C10orf105: variants seen among roughly 807,000 people sequenced by gnomAD.
C10orf105 encodes the protein chromosome 10 open reading frame 105, also known as uncharacterized protein C10orf105.
A neutral mutation model predicts 0.6 loss-of-function variants in C10orf105; 2 were observed. That is an observed-to-expected ratio of 3.18 (90% CI 1.30 to 10.01). The LOEUF (loss-of-function observed/expected upper bound fraction) is 10.01. Ranked by LOEUF, C10orf105 falls within the 30% of genes most tolerant of loss-of-function variation. C10orf105 has a pLI of 0.04. For missense variants in C10orf105, 209 were observed against 191.4 expected, an observed-to-expected ratio of 1.09 and a Z score of -0.54; for synonymous variants, 95 against 82.4, an observed-to-expected ratio of 1.15 and a Z score of -0.83.
In C10orf105 at chr10:71,713,415, G is replaced by T; in HGVS notation, c.*2521C>A. ...TGAATGAGTCTCTTTACCAACTATGGGGTTTCCGACTCGGAGGCTGAGCCA... is the reference window on the plus strand; with the variant it reads ...TGAATGAGTCTCTTTACCAACTATGTGGTTTCCGACTCGGAGGCTGAGCCA... On this transcript the variant is annotated 3_prime_UTR_variant, in exon 2 of 2. Coordinates refer to ENST00000441508, the MANE Select transcript of C10orf105 (RefSeq NM_001164375.3). The T allele has an allele frequency of 1.6e-6, 1 of 631,452 alleles. No homozygotes were observed. The highest frequency in any genetic ancestry group is 2.8e-6 in the Non-Finnish European group (1 of 352,398). 39.1% of individuals were successfully genotyped at this position (631,452 alleles called of 1,614,324 possible).
At chr10:71,732,961 G>A (rs1185768172) in intron 1 of C10orf105, among the ~76,000 whole-genome samples, 2 of 152,108 alleles carry the variant, frequency 1.3e-5, no homozygotes, top group African/African-American at 4.8e-5. Flanking sequence ...CAATTCTCCA[G>A]TAGACACCAT....
chr10:71,724,199 A>G, upstream of C10orf105: 2 of 1,365,042 alleles, frequency 1.5e-6, no homozygotes, highest in South Asian at 2.5e-5. Flanking sequence ...GATGAGGCCA[A>G]GAGAACCCCC....
intron 1 of C10orf105, chr10:71,717,191 A>G (rs971331364): frequency 6.6e-6 from 1 of 152,294 alleles, no homozygotes; most frequent in African/African-American, 2.4e-5. Context: ...GTGACAAGCC[A>G]GAGCTCACTC....
At chr10:71,729,866 G>T (rs1056083169) in intron 1 of C10orf105, among the ~76,000 whole-genome samples, 1 of 150,818 alleles carries the variant, frequency 6.6e-6, no homozygotes, top group African/African-American at 2.4e-5. Context: ...ATGGAGTCTC[G>T]CTCTGTTGCC....
At chr10:71,732,828 C>A (rs902099579) in intron 1 of C10orf105, 1 of 443,630 alleles carries the variant, frequency 2.3e-6, no homozygotes, top group Non-Finnish European at 3.1e-6. Context: ...TATCGGCAAC[C>A]AATTATCTGA....
At chr10:71,727,662 T>C (rs1393089370) in intron 1 of C10orf105, among the ~76,000 whole-genome samples, 1 of 151,090 alleles carries the variant, frequency 6.6e-6, no homozygotes, top group East Asian at 1.9e-4. Flanking sequence ...TCACGACACA[T>C]ACACACACAC....
Position 71,715,355 on chromosome 10 carries a change from G to A in C10orf105, c.*581C>T, listed in dbSNP as rs1866161852. ...TGCTCCTCCTCCCAGCTGGCACCCAGGCATCTGTTCCACCAGGAGGGAGGC... is the reference window on the plus strand; with the variant it reads ...TGCTCCTCCTCCCAGCTGGCACCCAAGCATCTGTTCCACCAGGAGGGAGGC... On this transcript the variant is annotated 3_prime_UTR_variant, in exon 2 of 2. Coordinates refer to ENST00000441508, the MANE Select transcript of C10orf105 (RefSeq NM_001164375.3). The A allele has an allele frequency of 1.3e-5, 2 of 152,176 alleles. No individual in the cohort carries two copies. The highest frequency in any genetic ancestry group is 2.1e-4 in the South Asian group (1 of 4,832). 9.4% of individuals were successfully genotyped at this position (152,176 alleles called of 1,614,324 possible).
chr10:71,722,283 A>T (rs563062410), upstream of C10orf105, among the ~76,000 whole-genome samples: 132 of 152,316 alleles, frequency 8.7e-4, no homozygotes, highest in African/African-American at 3.1e-3. Context: ...TCTACAAAAA[A>T]AATAATAATA....
rs192507899 is a variant in C10orf105, at chr10:71,729,880, G to A, written c.-6+7848C>T. Among the ~76,000 whole-genome samples, 565 of 151,912 alleles carry A rather than the reference G, an allele frequency of 3.7e-3. 14 individuals are homozygous for A. In the East Asian group the frequency reaches 0.079, roughly 21 times the overall value. On this transcript the variant is annotated intron_variant, in intron 1 of 1. Transcript: ENST00000398786. The stretch of plus-strand genomic sequence containing the variant: ...GATGGAGTCTCGCTCTGTTGCCCAG[G>A]CTGGAGTGCAGTGGCGCGATCTTGG...
chr10:71,734,202 C>T (rs375759451), intron 1 of C10orf105: 24 of 1,514,078 alleles, frequency 1.6e-5, no homozygotes, highest in Admixed American at 9.3e-5. Context: ...AACAAGGGTG[C>T]GATGTTGTCA....
intron 1 of C10orf105, among the ~76,000 whole-genome samples, chr10:71,718,130 C>T (rs755357313): frequency 2.0e-5 from 3 of 152,186 alleles, no homozygotes; most frequent in Non-Finnish European, 4.4e-5. Flanking sequence ...TCCCAGCTTG[C>T]AGCTTAGATA....
Position 71,734,318 on chromosome 10 carries a change from G to T in C10orf105, c.-6+3410C>A, listed in dbSNP as rs749105554. 1.1e-5 allele frequency: 18 copies of T among 1,610,698 alleles called. No individual in the cohort carries two copies. The highest frequency in any genetic ancestry group is 1.5e-5 in the Non-Finnish European group (18 of 1,178,578). On this transcript the variant is annotated intron_variant, in intron 1 of 1. Transcript: ENST00000398786. Reference sequence around the variant, plus strand: ...CTTGACAGTGGTGGCAGATGACGGCGGCCCCAAGGTGGACTCCACCGTGGT... The same window carrying T: ...CTTGACAGTGGTGGCAGATGACGGCTGCCCCAAGGTGGACTCCACCGTGGT...
At chr10:71,720,333 G>A (rs532082217), upstream of C10orf105, among the ~76,000 whole-genome samples, 2 of 152,076 alleles carry the variant, frequency 1.3e-5, no homozygotes, top group Non-Finnish European at 2.9e-5. Flanking sequence ...TCCCAGGGCA[G>A]AAAGCATAGG....
At chr10:71,730,588 C>G in intron 1 of C10orf105, 2 of 1,613,912 alleles carry the variant, frequency 1.2e-6, no homozygotes, top group Non-Finnish European at 1.7e-6. Context: ...TGGTCCAAGC[C>G]ACAGACCGAG....
At chr10:71,717,265 T>C (rs150191036) in intron 1 of C10orf105, 4 of 151,948 alleles carry the variant, frequency 2.6e-5, no homozygotes, top group African/African-American at 7.2e-5. Context: ...AGCTTGGTGG[T>C]GGGAAGGCCA....
chr10:71,726,417 A>T (rs1866814071), intron 1 of C10orf105, among the ~76,000 whole-genome samples: 1 of 152,134 alleles, frequency 6.6e-6, no homozygotes, highest in Non-Finnish European at 1.5e-5. Context: ...GATCACAAAC[A>T]CGATGGGTCT....
chr10:71,711,919 G>A lies in C10orf105; in HGVS notation c.*4017C>T, dbSNP rs1490459752. On this transcript the variant is annotated 3_prime_UTR_variant, in exon 2 of 2. Transcript: ENST00000441508. ...AGTTGGCTTTTTGCTCTTAGTACCT[G>A]TATCTGCATCCTAAATTTGCCACGA... 6.6e-6 allele frequency: 1 copy of A among 152,148 alleles called. No homozygotes were observed. Among genetic ancestry groups the A allele is most frequent in the African/African-American group, 2.4e-5 (1 of 41,414 alleles). 9.4% of individuals were successfully genotyped at this position (152,148 alleles called of 1,614,324 possible). A position where few individuals can be genotyped will look rare whatever the true frequency, so the allele number is the denominator to read the frequency against.
chr10:71,722,053 C>T (rs185850783), upstream of C10orf105, among the ~76,000 whole-genome samples: 1 of 152,336 alleles, frequency 6.6e-6, no homozygotes, highest in African/African-American at 2.4e-5. Flanking sequence ...AGCAGGAACC[C>T]ATCCCCATCT....
chr10:71,716,365 G>A, intron 1 of C10orf105, 23 bp from the exon 2 acceptor site: 1 of 1,454,728 alleles, frequency 6.9e-7, no homozygotes, highest in Non-Finnish European at 9.1e-7. Flanking sequence ...CAAGACAGAA[G>A]CTCAAAGGCA....
Sources: gnomAD v4.1 joint callset for allele counts (sites outside exome capture counted in the v4.1 genomes callset) on GRCh38, gnomAD v4.1.1 for gene constraint, MANE v1.5 for transcripts, NCBI Gene and HGNC (gene_info 2026-07-23, HGNC 2026-07-21) for gene names.